Variants in WWC1 observed in about 807,000 individuals in gnomAD.
WWC1 encodes the protein protein KIBRA.
A neutral mutation model predicts 138.4 loss-of-function variants in WWC1; 55 were observed. The observed-to-expected ratio is 0.40, with a 90% confidence interval of 0.32 to 0.50. WWC1 has a LOEUF of 0.50. Among genes scored for constraint, WWC1 ranks in the 20% least tolerant of loss-of-function variants. The pLI, the probability that WWC1 is intolerant of heterozygous loss-of-function variation, is 0.72. For missense variants in WWC1, 1,226 were observed against 1,420.4 expected, an observed-to-expected ratio of 0.86 and a Z score of 2.20; for synonymous variants, 524 against 564.9, an observed-to-expected ratio of 0.93 and a Z score of 1.03.
At chr5:168,382,944 G>A (rs1777759488) in intron 2 of WWC1, among the ~76,000 whole-genome samples, 1 of 152,142 alleles carries the variant, frequency 6.6e-6, no homozygotes. Flanking sequence ...GGGAGGCCGA[G>A]GCAGGTAGGT....
chr5:168,431,479 TGGCTGG>T, intron 15 of WWC1, 35 bp downstream of exon 15: 3 of 1,533,478 alleles, frequency 2.0e-6, no homozygotes, highest in Non-Finnish European at 2.6e-6. Flanking sequence ...GCTGGCTGGC[TGGCTGG>T]CTGGCTGGCT....
chr5:168,320,549 G>A (rs1581911875), intron 1 of WWC1, among the ~76,000 whole-genome samples: 1 of 152,096 alleles, frequency 6.6e-6, no homozygotes. Context: ...ATCTCATCAG[G>A]TTACCAGGAT....
intron 1 of WWC1, among the ~76,000 whole-genome samples, chr5:168,296,400 A>G (rs1485376321): frequency 6.6e-6 from 1 of 152,208 alleles, no homozygotes; most frequent in Non-Finnish European, 1.5e-5. Context: ...TTGATATGGT[A>G]GGAAGTCAGG....
chr5:168,392,677 G>A (rs1778592294), intron 3 of WWC1, among the ~76,000 whole-genome samples: 1 of 152,164 alleles, frequency 6.6e-6, no homozygotes, highest in Admixed American at 6.5e-5. Context: ...CTGGGCAACA[G>A]ACACCTGTCT....
intron 1 of WWC1, among the ~76,000 whole-genome samples, chr5:168,339,422 G>A (rs533389838): frequency 2.0e-5 from 3 of 152,258 alleles, no homozygotes; most frequent in East Asian, 1.9e-4. Context: ...GGAGAATGTC[G>A]TGTTTGTTTT....
rs935602466 is a variant in WWC1, at chr5:168,470,314, A to C, written c.*1297A>C. On this transcript the variant is annotated 3_prime_UTR_variant, in exon 23 of 23. Transcript: ENST00000265293. ...ATATCAGAATCACCTGGGGCAGCCT[A>C]TTAAAAATGCAGACTGTTGAGACCA... The C allele has an allele frequency of 6.6e-6, 1 of 152,210 alleles. No homozygotes were observed. Among genetic ancestry groups the C allele is most frequent in the African/African-American group, 2.4e-5 (1 of 41,438 alleles). The allele number at this position is 152,210 out of a possible 1,614,324, so 9.4% of individuals were successfully genotyped here. A position where few individuals can be genotyped will look rare whatever the true frequency, so the allele number is the denominator to read the frequency against.
chr5:168,366,729 G>A (rs767270479), intron 1 of WWC1, among the ~76,000 whole-genome samples: 16 of 150,940 alleles, frequency 1.1e-4, no homozygotes, highest in South Asian at 4.2e-4. Flanking sequence ...TTTCAGTCCC[G>A]TCCTCCTAAC....
At chr5:168,450,337 TG>T (rs1252953424) in intron 17 of WWC1, among the ~76,000 whole-genome samples, 1 of 151,752 alleles carries the variant, frequency 6.6e-6, no homozygotes, top group African/African-American at 2.4e-5. Flanking sequence ...GATATTCATA[TG>T]GAAAAAAAAA....
chr5:168,308,559 C>T (rs1770785416), intron 1 of WWC1, among the ~76,000 whole-genome samples: 1 of 152,140 alleles, frequency 6.6e-6, no homozygotes, highest in South Asian at 2.1e-4. Context: ...GGCAGAGGAG[C>T]TCTCAAGGCA....
At chr5:168,309,987 G>C (rs1005156465) in intron 1 of WWC1, among the ~76,000 whole-genome samples, 13 of 152,122 alleles carry the variant, frequency 8.5e-5, no homozygotes, top group Admixed American at 7.9e-4. Flanking sequence ...ACCATGAGAG[G>C]GTACCAGCTC....
intron 1 of WWC1, among the ~76,000 whole-genome samples, chr5:168,325,128 C>T (rs1365525889): frequency 6.6e-6 from 1 of 152,230 alleles, no homozygotes; most frequent in East Asian, 1.9e-4. Context: ...CCTCCATGGC[C>T]TCATTCTGTG....
At chr5:168,441,644 A>G in intron 15 of WWC1, 38 bp from the exon 16 acceptor site, 1 of 1,599,520 alleles carries the variant, frequency 6.3e-7, no homozygotes, top group Non-Finnish European at 8.5e-7. Flanking sequence ...TGTCCCCCCC[A>G]CCGCCACTTA....
In WWC1 at chr5:168,366,886, C is replaced by T. The variant is rs530449454; in HGVS notation, c.120-4538C>T. ...GATCTCAGCTCACTGCAGCCTCCGCCTCCCAGGTTCAAGCGATTCTCCTGG... is the reference window on the plus strand; with the variant it reads ...GATCTCAGCTCACTGCAGCCTCCGCTTCCCAGGTTCAAGCGATTCTCCTGG... On this transcript the variant is annotated intron_variant, in intron 1 of 22. Coordinates refer to ENST00000265293, the MANE Select transcript of WWC1 (RefSeq NM_015238.3). Among the ~76,000 whole-genome samples, 23 of 149,124 alleles carry T rather than the reference C, an allele frequency of 1.5e-4. No homozygotes were observed. The South Asian group carries it at 4.5e-3, about 29-fold the overall frequency.
intron 13 of WWC1, among the ~76,000 whole-genome samples, chr5:168,429,312 G>A (rs1290704693): frequency 6.9e-6 from 1 of 145,454 alleles, no homozygotes; most frequent in African/African-American, 2.6e-5. Context: ...AGGCTGGAGT[G>A]CAGTGGTGTG....
At position 168,349,198 on chromosome 5, in the gene WWC1, C is replaced by G. The variant is rs550594453; in HGVS notation, c.120-22226C>G. Reference sequence around the variant, plus strand: ...CTAAAAGTCCTTTCATTACCGAATTCCCATGATTGTGTCCCAGAGACCTGT... The same window carrying G: ...CTAAAAGTCCTTTCATTACCGAATTGCCATGATTGTGTCCCAGAGACCTGT... On this transcript the variant is annotated intron_variant, in intron 1 of 22. Transcript: ENST00000265293. Among the ~76,000 whole-genome samples, 3 of 152,190 alleles carry G rather than the reference C, an allele frequency of 2.0e-5. No homozygotes were observed. The East Asian group carries it at 5.8e-4, about 30-fold the overall frequency.
intron 1 of WWC1, among the ~76,000 whole-genome samples, chr5:168,311,875 T>TAA (rs879658323): frequency 1.2e-4 from 16 of 136,568 alleles, no homozygotes; most frequent in African/African-American, 3.3e-4. Context: ...AGACTCAGTC[T>TAA]AAAAAAAAAA....
chr5:168,435,265 G>C (rs1164487221), intron 15 of WWC1, among the ~76,000 whole-genome samples: 1 of 152,064 alleles, frequency 6.6e-6, no homozygotes, highest in Non-Finnish European at 1.5e-5. Context: ...CTGCACTCCT[G>C]TCTGAGGCCA....
intron 5 of WWC1, among the ~76,000 whole-genome samples, chr5:168,400,219 G>A (rs1009514778): frequency 3.9e-5 from 6 of 152,014 alleles, no homozygotes; most frequent in African/African-American, 1.2e-4. Flanking sequence ...ACATGTGCAG[G>A]TTTGTTACAC....
intron 17 of WWC1, among the ~76,000 whole-genome samples, chr5:168,452,702 A>G (rs781190317): frequency 3.3e-5 from 5 of 152,186 alleles, no homozygotes; most frequent in Non-Finnish European, 7.3e-5. Context: ...AGCTTTATTC[A>G]TACTTGCTTG....
Sources: allele counts gnomAD v4.1 joint callset (sites outside exome capture counted in the v4.1 genomes callset), GRCh38; gene constraint gnomAD v4.1.1; transcripts MANE v1.5; gene names NCBI Gene and HGNC (gene_info 2026-07-23, HGNC 2026-07-21).